Variants in CSMD1 observed in about 807,000 individuals in gnomAD.
CSMD1 encodes the protein CUB and sushi domain-containing protein 1.
CSMD1 carries 213 observed loss-of-function variants against 417.5 expected under a neutral mutation model. That is an observed-to-expected ratio of 0.51 (90% CI 0.46 to 0.57). The LOEUF is 0.57. Ranked by LOEUF, CSMD1 falls within the 20% of genes least tolerant of loss-of-function variation. The pLI is 0.00. For synonymous variants in CSMD1, 2,862 were observed against 1,736.8 expected, an observed-to-expected ratio of 1.65 and a Z score of -16.11; for missense variants, 6,923 against 4,529.7, an observed-to-expected ratio of 1.53 and a Z score of -15.17.
chr8:3,262,191 A>ATG (rs1803392785), intron 26 of CSMD1, among the ~76,000 whole-genome samples: 5 of 55,374 alleles, frequency 9.0e-5, no homozygotes, highest in African/African-American at 3.5e-4. Context: ...ATGAATATAT[A>ATG]TATATATATA....
chr8:3,224,769 G>C lies in CSMD1; in HGVS notation c.4346-902C>G, dbSNP rs80340745. 3.7e-3 allele frequency among the ~76,000 whole-genome samples: 562 copies of C among 152,270 alleles called. 4 individuals are homozygous for C. Among genetic ancestry groups the C allele is most frequent in the African/African-American group, 0.012 (503 of 41,560 alleles). ...GTGGTTAATAGGCAAGCCAGTTTTT[G>C]TTCTTGAATTGGAAAGTATTTAGGA... On this transcript the variant is annotated intron_variant, in intron 27 of 69. Transcript: ENST00000635120.
intron 2 of CSMD1, among the ~76,000 whole-genome samples, chr8:4,569,956 T>C (rs1015563022): frequency 1.3e-5 from 2 of 152,214 alleles, no homozygotes; most frequent in Non-Finnish European, 2.9e-5. Context: ...TGTTGGTGTA[T>C]AGGAATGCTT....
chr8:4,493,580 G>C (rs750352941), intron 2 of CSMD1, among the ~76,000 whole-genome samples: 1 of 152,086 alleles, frequency 6.6e-6, no homozygotes, highest in Non-Finnish European at 1.5e-5. Flanking sequence ...TGCACCTGTA[G>C]TCCCGGCTAC....
In CSMD1 at chr8:4,423,982, A is replaced by G. The variant is rs372046885; in HGVS notation, c.303-3917T>C. ...ATTGCATAGAATAAACCAACAAATTATGATGGATCAATTGGATGTCCATAG... is the reference window on the plus strand; with the variant it reads ...ATTGCATAGAATAAACCAACAAATTGTGATGGATCAATTGGATGTCCATAG... On this transcript the variant is annotated intron_variant, in intron 2 of 69. Transcript: ENST00000635120. Among the ~76,000 whole-genome samples the G allele has an allele frequency of 1.2e-4, 19 of 152,216 alleles. No homozygotes were observed. The East Asian group carries it at 3.3e-3, about 26-fold the overall frequency.
At chr8:4,596,178 C>T (rs535168078) in intron 2 of CSMD1, among the ~76,000 whole-genome samples, 78 of 152,050 alleles carry the variant, frequency 5.1e-4, no homozygotes, top group African/African-American at 1.7e-3. Context: ...TAATATATAC[C>T]CACTGACATC....
intron 5 of CSMD1, among the ~76,000 whole-genome samples, chr8:3,827,284 G>C (rs1038301304): frequency 1.3e-5 from 2 of 152,086 alleles, no homozygotes; most frequent in African/African-American, 2.4e-5. Context: ...TGTTACATTT[G>C]AACCACATGT....
At chr8:3,451,355 A>G (rs1277110933) in intron 12 of CSMD1, among the ~76,000 whole-genome samples, 3 of 152,132 alleles carry the variant, frequency 2.0e-5, no homozygotes, top group Non-Finnish European at 2.9e-5. Context: ...TTTTGTTGCC[A>G]TTGCTTTTGG....
intron 2 of CSMD1, among the ~76,000 whole-genome samples, chr8:4,503,005 A>G (rs1440654216): frequency 6.6e-6 from 1 of 152,188 alleles, no homozygotes; most frequent in East Asian, 1.9e-4. Flanking sequence ...CACAGGAAAT[A>G]AAAAAAGCTA....
chr8:4,107,303 G>A (rs750995936), intron 3 of CSMD1, among the ~76,000 whole-genome samples: 1 of 152,168 alleles, frequency 6.6e-6, no homozygotes, highest in African/African-American at 2.4e-5. Context: ...GCCTCATTTA[G>A]AACTTCCTGA....
At position 2,974,530 on chromosome 8, in the gene CSMD1, C is replaced by G. The variant is rs1457442752; in HGVS notation, c.8661G>C (p.Gly2887=). 1.2e-6 allele frequency: 2 copies of G among 1,613,498 alleles called. No homozygotes were observed. Among genetic ancestry groups the G allele is most frequent in the Non-Finnish European group, 8.5e-7 (1 of 1,179,766 alleles). The change falls in exon 56 of 70, where the codon GGG becomes GGC. Residue 2887 remains glycine (G), a synonymous_variant. Transcript: ENST00000635120. ...TGTCGTTGCCTATGAGGCTCTCGCT[C>G]CCTCTGCAGGAGTAGTGCACGACGG... ...YGAVVHYSCR[G]SESLIGNDTR... is the part of the protein sequence containing the mutation.
intron 3 of CSMD1, among the ~76,000 whole-genome samples, chr8:4,178,909 T>C (rs1798201312): frequency 6.6e-6 from 1 of 152,106 alleles, no homozygotes; most frequent in Non-Finnish European, 1.5e-5. Context: ...TACAAACCAC[T>C]GCTCAATGAA....
At position 4,860,852 on chromosome 8, in the gene CSMD1, A is replaced by G. The variant is rs139437386; in HGVS notation, c.85+133480T>C. ...AACACAGCATAATTATTTCTGCGTA[A>G]AAACGTTCACATCCCTGCTTCTCCT... On this transcript the variant is annotated intron_variant, in intron 1 of 69. Transcript: ENST00000635120. 3.7e-3 allele frequency among the ~76,000 whole-genome samples: 557 copies of G among 152,192 alleles called. 6 individuals carry two copies. The highest frequency in any genetic ancestry group is 0.014 in the Middle Eastern group (4 of 294).
chr8:3,241,041 G>T (rs191184559), intron 26 of CSMD1, among the ~76,000 whole-genome samples: 3 of 147,686 alleles, frequency 2.0e-5, no homozygotes, highest in Non-Finnish European at 3.0e-5. Flanking sequence ...AGGGAGTAGA[G>T]GTATCTCATA....
At chr8:4,045,191 A>T (rs1030150283) in intron 3 of CSMD1, among the ~76,000 whole-genome samples, 6 of 152,242 alleles carry the variant, frequency 3.9e-5, no homozygotes, top group Admixed American at 2.0e-4. Context: ...TGAGGTACTC[A>T]TCTCTGAGGA....
chr8:4,885,692 A>G (rs1318410588), intron 1 of CSMD1, among the ~76,000 whole-genome samples: 1 of 151,442 alleles, frequency 6.6e-6, no homozygotes. Context: ...TATTTTTAAT[A>G]TTAGAGATAT....
chr8:3,947,803 G>C (rs969092290), intron 5 of CSMD1, among the ~76,000 whole-genome samples: 2 of 152,314 alleles, frequency 1.3e-5, no homozygotes, highest in East Asian at 3.9e-4. Context: ...TCAAGGGGAA[G>C]TGTTTCATAT....
In CSMD1 at chr8:4,888,607, A is replaced by G. The variant is rs1803908098; in HGVS notation, c.85+105725T>C. 1.3e-5 allele frequency among the ~76,000 whole-genome samples: 2 copies of G among 152,086 alleles called. 1 individual carries two copies. Among genetic ancestry groups the G allele is most frequent in the Admixed American group, 1.3e-4 (2 of 15,274 alleles). Reference sequence around the variant, plus strand: ...TGCTAAGAAGGACTACGGCAGTGACATCCCAACACCAAAAAGCAAATTGGT... The same window carrying G: ...TGCTAAGAAGGACTACGGCAGTGACGTCCCAACACCAAAAAGCAAATTGGT... On this transcript the variant is annotated intron_variant, in intron 1 of 69. Transcript: ENST00000635120.
intron 1 of CSMD1, among the ~76,000 whole-genome samples, chr8:4,839,166 C>T (rs555498486): frequency 3.9e-5 from 6 of 152,144 alleles, no homozygotes; most frequent in South Asian, 2.1e-4. Context: ...ATCCTTCTTT[C>T]CCTTCATCAG....
chr8:4,170,656 GA>G lies in CSMD1; in HGVS notation c.416-138558del, dbSNP rs376703279. 8.2e-3 allele frequency among the ~76,000 whole-genome samples: 1,249 copies of G among 151,770 alleles called. 8 individuals are homozygous for G. The highest frequency in any genetic ancestry group is 0.013 in the Non-Finnish European group (893 of 68,016). On this transcript the variant is annotated intron_variant, in intron 3 of 69. Transcript: ENST00000635120. ...TTTGTTTTATTACATTCACTTAAGA[GA>G]AGTAGAATAAGTTGGAGGAGCTAGA...
Sources: gnomAD v4.1 joint callset for allele counts (sites outside exome capture counted in the v4.1 genomes callset) on GRCh38, gnomAD v4.1.1 for gene constraint, MANE v1.5 for transcripts, NCBI Gene and HGNC (gene_info 2026-07-23, HGNC 2026-07-21) for gene names.